The following MIA2 variants were observed in gnomAD, a reference collection of about 807,000 sequenced individuals.
The protein encoded by MIA2 is MIA SH3 domain ER export factor 2, also known as melanoma inhibitory activity protein 2.
Under a neutral mutation model 167.8 loss-of-function variants are expected in MIA2, and 127 were observed. The ratio of observed to expected loss-of-function variants is 0.76; its 90% CI spans 0.66 to 0.88. The LOEUF is 0.88. Ranked by LOEUF, MIA2 falls within the 40% of genes least tolerant of loss-of-function variation. MIA2 has a pLI of 0.00. For missense variants in MIA2, 1,690 were observed against 1,624.7 expected, an observed-to-expected ratio of 1.04 and a Z score of -0.69; for synonymous variants, 552 against 541.9, an observed-to-expected ratio of 1.02 and a Z score of -0.26.
At chr14:39,303,142 G>T (rs1213450514) in intron 15 of MIA2, among the ~76,000 whole-genome samples, 1 of 151,658 alleles carries the variant, frequency 6.6e-6, no homozygotes, top group East Asian at 1.9e-4. Context: ...TTTTAACTTG[G>T]GTTATAATTT....
intron 9 of MIA2, among the ~76,000 whole-genome samples, chr14:39,280,324 G>C (rs926877896): frequency 2.0e-5 from 3 of 151,798 alleles, no homozygotes; most frequent in African/African-American, 7.2e-5. Context: ...AAGTTACTGT[G>C]AACATTCTTC....
chr14:39,301,039 TACACACACACACAC>T lies in MIA2; in HGVS notation c.2620-1065_2620-1052del, dbSNP rs58641218. On this transcript the variant is annotated intron_variant, in intron 14 of 28. Coordinates refer to ENST00000640607, the MANE Select transcript of MIA2 (RefSeq NM_001329214.4). The stretch of plus-strand genomic sequence containing the variant: ...ATATACACACATATATACATATACA[TACACACACACACAC>T]ACACACACACACACACACACACACG... Among the ~76,000 whole-genome samples the T allele has an allele frequency of 3.1e-3, 456 of 144,958 alleles. 3 individuals are homozygous for T. Among genetic ancestry groups the T allele is most frequent in the African/African-American group, 6.7e-3 (259 of 38,436 alleles).
At chr14:39,308,316 A>C (rs957949609) in intron 17 of MIA2, 133 bp from the exon 18 acceptor site, 4 of 568,702 alleles carry the variant, frequency 7.0e-6, no homozygotes, top group Non-Finnish European at 1.1e-5. Flanking sequence ...AGAATCCCTT[A>C]TAGATTTTCT....
intron 6 of MIA2, among the ~76,000 whole-genome samples, chr14:39,274,106 C>G (rs544399959): frequency 1.3e-5 from 2 of 152,230 alleles, no homozygotes; most frequent in Admixed American, 1.3e-4. Flanking sequence ...TGATCTTGAA[C>G]TCCTTTAGTA....
At chr14:39,314,270 C>T (rs1480731364) in intron 19 of MIA2, among the ~76,000 whole-genome samples, 1 of 151,704 alleles carries the variant, frequency 6.6e-6, no homozygotes, top group African/African-American at 2.4e-5. Context: ...GCCTGTAATC[C>T]CAGCTACTCA....
chr14:39,305,317 G>A (rs899731380), intron 17 of MIA2, among the ~76,000 whole-genome samples: 4 of 152,174 alleles, frequency 2.6e-5, no homozygotes, highest in Non-Finnish European at 5.9e-5. Context: ...AGAAGGAAAA[G>A]ATAGCTTACT....
chr14:39,257,124 A>G (rs961401191), intron 6 of MIA2, among the ~76,000 whole-genome samples: 1 of 152,088 alleles, frequency 6.6e-6, no homozygotes, highest in African/African-American at 2.4e-5. Flanking sequence ...GCTGAGTTGA[A>G]GTCCTGAATA....
intron 9 of MIA2, among the ~76,000 whole-genome samples, chr14:39,281,103 CTTGTAGAGATGGGGTT>C (rs1451434371): frequency 6.6e-6 from 1 of 151,400 alleles, no homozygotes; most frequent in Non-Finnish European, 1.5e-5. Context: ...TTTAAAATTT[CTTGTAGAGATGGGGTT>C]TTGCCATGTT....
intron 28 of MIA2, 31 bp downstream of exon 28, chr14:39,349,008 T>C (rs1352352849): frequency 1.9e-6 from 3 of 1,586,062 alleles, no homozygotes; most frequent in Non-Finnish European, 2.6e-6. Context: ...TTTTTAAAGC[T>C]CAATATGTGG....
chr14:39,362,148 T>C (rs777615669), intron 23 of MIA2, among the ~76,000 whole-genome samples: 14 of 152,236 alleles, frequency 9.2e-5, no homozygotes, highest in Admixed American at 3.9e-4. Context: ...CCTATAGTTT[T>C]GTTTTTTTGT....
At chr14:39,234,654 T>C (rs1362914482) in intron 1 of MIA2, among the ~76,000 whole-genome samples, 3 of 152,188 alleles carry the variant, frequency 2.0e-5, no homozygotes, top group African/African-American at 4.8e-5. Flanking sequence ...TGTTTCACAC[T>C]CAGAACTTTC....
intron 23 of MIA2, chr14:39,385,557 A>G: frequency 1.2e-6 from 1 of 822,222 alleles, no homozygotes; most frequent in East Asian, 2.4e-5. Flanking sequence ...CAAATTTCCC[A>G]GGTTCTCTCA....
At chr14:39,237,189 C>A in intron 2 of MIA2, 134 bp downstream of exon 2, 1 of 949,062 alleles carries the variant, frequency 1.1e-6, no homozygotes, top group Non-Finnish European at 1.6e-6. Flanking sequence ...GGTGTGATCA[C>A]AGCTCACTAC....
In MIA2 at chr14:39,305,935, CAAAAA is replaced by C. The variant is rs11285736; in HGVS notation, c.2878+1566_2878+1570del. ...TAGGCAACCAAGCGAGACTTTGTCTCAAAAAAAAAAAAAAAAGTACATAAATATAT... is the reference window on the plus strand; with the variant it reads ...TAGGCAACCAAGCGAGACTTTGTCTCAAAAAAAAAAAGTACATAAATATAT... On this transcript the variant is annotated intron_variant, in intron 17 of 28. Coordinates refer to ENST00000640607, the MANE Select transcript of MIA2 (RefSeq NM_001329214.4). Among the ~76,000 whole-genome samples the C allele has an allele frequency of 5.0e-3, 630 of 125,576 alleles. 3 individuals carry two copies. The highest frequency in any genetic ancestry group is 0.018 in the African/African-American group (604 of 32,762). The allele number at this position is 125,576 out of a possible 152,430, so 82.4% of individuals were successfully genotyped here.
intron 28 of MIA2, among the ~76,000 whole-genome samples, chr14:39,349,808 G>A (rs2074140389): frequency 1.3e-5 from 2 of 152,212 alleles, no homozygotes; most frequent in South Asian, 2.1e-4. Context: ...AAAGAAAAAA[G>A]TGATTTACAG....
intron 6 of MIA2, among the ~76,000 whole-genome samples, chr14:39,254,748 T>A (rs2054739017): frequency 6.6e-6 from 1 of 152,160 alleles, no homozygotes; most frequent in Admixed American, 6.6e-5. Flanking sequence ...ATATTCAGAG[T>A]AAAATAAAAC....
chr14:39,299,915 C>G lies in MIA2; in HGVS notation c.2548C>G (p.Gln850Glu). ...AGAACAAGTGAGTGAACTTAATAAA[C>G]AGAAAGTAACATTTGAAGACTCCAA... Reference protein sequence around the residue: ...WKEQVSELNKQKVTFEDSKVH... With the variant: ...WKEQVSELNKEKVTFEDSKVH... Residue 850 changes from glutamine (Q) to glutamate (E), a missense_variant, in exon 14 of 29, where the codon CAG (glutamine) becomes GAG (glutamate). Transcript: ENST00000640607. 4 of 1,609,072 alleles carry G rather than the reference C, an allele frequency of 2.5e-6. No homozygotes were observed. Among genetic ancestry groups the G allele is most frequent in the Non-Finnish European group, 3.4e-6 (4 of 1,178,578 alleles).
At chr14:39,276,807 A>G in intron 6 of MIA2, 127 bp from the exon 7 acceptor site, 1 of 937,374 alleles carries the variant, frequency 1.1e-6, no homozygotes, top group South Asian at 1.6e-5. Flanking sequence ...ATGTACTCTG[A>G]TACTTTCTGT....
Position 39,347,816 on chromosome 14 carries a change from T to G in MIA2, c.3837+45T>G, listed in dbSNP as rs544906524. On this transcript the variant is annotated intron_variant, in intron 27 of 28. Coordinates refer to ENST00000640607, the MANE Select transcript of MIA2 (RefSeq NM_001329214.4). ...AATTGTATGCATGTATTCAGAAGCC[T>G]TCTTTTTTTTTTTTTTTTTTTTTTT... is the stretch of plus-strand genomic sequence containing the variant. 153 of 1,085,818 alleles carry G rather than the reference T, an allele frequency of 1.4e-4. No homozygotes were observed. The Admixed American group carries it at 1.5e-3, about 11-fold the overall frequency. 67.3% of individuals were successfully genotyped at this position (1,085,818 alleles called of 1,614,324 possible).
Sources: gnomAD v4.1 joint callset for allele counts (sites outside exome capture counted in the v4.1 genomes callset) on GRCh38, gnomAD v4.1.1 for gene constraint, MANE v1.5 for transcripts, NCBI Gene and HGNC (gene_info 2026-07-23, HGNC 2026-07-21) for gene names.